ZBTB20: variants seen among roughly 807,000 people sequenced by gnomAD.
The protein encoded by ZBTB20 is zinc finger and BTB domain-containing protein 20.
In ZBTB20, 9 loss-of-function variants were observed where a neutral mutation model predicts 56.9. The observed-to-expected ratio is 0.16, with a 90% CI of 0.10 to 0.28. The LOEUF is 0.28. Among genes scored for constraint, ZBTB20 ranks in the 10% least tolerant of loss-of-function variants. The probability of loss-of-function intolerance (pLI) is 1.00; values close to 1 mark genes in which losing one functional copy is unlikely to be tolerated. For synonymous variants in ZBTB20, 417 were observed against 420.7 expected, an observed-to-expected ratio of 0.99 and a Z score of 0.11; for missense variants, 655 against 1,003.0, an observed-to-expected ratio of 0.65 and a Z score of 4.69.
intron 10 of ZBTB20, among the ~76,000 whole-genome samples, chr3:114,353,581 G>C (rs1377553584): frequency 6.6e-6 from 1 of 152,098 alleles, no homozygotes; most frequent in Non-Finnish European, 1.5e-5. Flanking sequence ...AAAGAATTAA[G>C]GTAAATCCCC....
chr3:115,103,233 T>C lies in ZBTB20; in HGVS notation c.-702-31819A>G, dbSNP rs183164465. On this transcript the variant is annotated intron_variant, in intron 1 of 11. Coordinates refer to ENST00000675478, the MANE Select transcript of ZBTB20 (RefSeq NM_001348800.3). The stretch of plus-strand genomic sequence containing the variant: ...GATATGTCATGGGGCAATTTGGTTC[T>C]GTAGAAAGATCCTAAAGTGGAAGTT... 3.0e-4 allele frequency among the ~76,000 whole-genome samples: 45 copies of C among 152,332 alleles called. 1 individual carries two copies. Among genetic ancestry groups the C allele is most frequent in the Admixed American group, 2.9e-3 (45 of 15,302 alleles).
chr3:115,102,046 G>T (rs1291122957), intron 1 of ZBTB20, among the ~76,000 whole-genome samples: 1 of 152,052 alleles, frequency 6.6e-6, no homozygotes, highest in Non-Finnish European at 1.5e-5. Context: ...CTATTTTCAG[G>T]GTGGCTAACC....
intron 2 of ZBTB20, among the ~76,000 whole-genome samples, chr3:114,978,010 C>CAAAAAAA (rs764420792): frequency 1.8e-5 from 1 of 56,554 alleles, no homozygotes; most frequent in Non-Finnish European, 4.3e-5. Context: ...GACCCAGTCT[C>CAAAAAAA]AAAAAAAAAA....
At chr3:115,119,783 C>G (rs1196398160) in intron 1 of ZBTB20, among the ~76,000 whole-genome samples, 2 of 152,036 alleles carry the variant, frequency 1.3e-5, no homozygotes, top group African/African-American at 4.8e-5. Context: ...CGTATCCAAC[C>G]CCACTGTTCT....
Position 114,843,630 on chromosome 3 carries a change from A to C in ZBTB20, c.-416-42456T>G, listed in dbSNP as rs1032901945. Among the ~76,000 whole-genome samples, 5 of 152,150 alleles carry C rather than the reference A, an allele frequency of 3.3e-5. 1 individual carries two copies. In the Middle Eastern group the frequency reaches 0.014, roughly 414 times the overall value. On this transcript the variant is annotated intron_variant, in intron 4 of 11. Transcript: ENST00000675478. ...GTGATCCTCCCACCTCAGCCTCCTAAAGCTCTGGGATTACAGGCATAAGCC... is the reference window on the plus strand; with the variant it reads ...GTGATCCTCCCACCTCAGCCTCCTACAGCTCTGGGATTACAGGCATAAGCC...
At chr3:114,810,065 C>T (rs926637443) in intron 4 of ZBTB20, among the ~76,000 whole-genome samples, 6 of 151,590 alleles carry the variant, frequency 4.0e-5, no homozygotes, top group African/African-American at 7.3e-5. Flanking sequence ...ACTATGCTAA[C>T]GCCTCTAATT....
intron 1 of ZBTB20, among the ~76,000 whole-genome samples, chr3:115,142,831 G>A (rs1392814214): frequency 6.6e-6 from 1 of 152,068 alleles, no homozygotes; most frequent in African/African-American, 2.4e-5. Flanking sequence ...CTTCCTGGAA[G>A]AGGCTGATTA....
rs558143177 is a variant in ZBTB20, at chr3:114,981,669, A to G, written c.-506-7253T>C. ...TAACAAAAACTCTAGGAGGTAGGTA[A>G]TATCATCATACCCACTTTATCAATG... On this transcript the variant is annotated intron_variant, in intron 2 of 11. Transcript: ENST00000675478. Among the ~76,000 whole-genome samples, 6 of 152,188 alleles carry G rather than the reference A, an allele frequency of 3.9e-5. No individual in the cohort carries two copies. In the East Asian group the frequency reaches 9.6e-4, roughly 24 times the overall value.
At chr3:114,445,859 A>G (rs559210349) in intron 7 of ZBTB20, among the ~76,000 whole-genome samples, 6 of 152,186 alleles carry the variant, frequency 3.9e-5, no homozygotes, top group Admixed American at 1.3e-4. Flanking sequence ...TCAGGAGTCA[A>G]GGTATTTTTA....
intron 2 of ZBTB20, among the ~76,000 whole-genome samples, chr3:115,028,644 AT>A (rs5851941): frequency 0.089 from 13,357 of 150,504 alleles, 1,717 homozygotes; most frequent in African/African-American, 0.28. Context: ...TATATTAAAA[AT>A]AATTTGTGAT....
chr3:114,707,900 G>C (rs1172228187), intron 5 of ZBTB20, among the ~76,000 whole-genome samples: 1 of 152,070 alleles, frequency 6.6e-6, no homozygotes, highest in South Asian at 2.1e-4. Flanking sequence ...TTAACCACAG[G>C]GCATTGTCCT....
chr3:115,031,377 T>C (rs915757979), intron 2 of ZBTB20, among the ~76,000 whole-genome samples: 6 of 151,624 alleles, frequency 4.0e-5, no homozygotes, highest in East Asian at 1.9e-4. Context: ...GAGGAACTTA[T>C]GATGTTTTTT....
At chr3:115,062,593 G>T (rs2082050372) in intron 2 of ZBTB20, among the ~76,000 whole-genome samples, 1 of 151,872 alleles carries the variant, frequency 6.6e-6, no homozygotes, top group East Asian at 1.9e-4. Flanking sequence ...GGTTTTTATT[G>T]TTGGAATGTT....
intron 6 of ZBTB20, among the ~76,000 whole-genome samples, chr3:114,613,787 G>A (rs1376469801): frequency 6.6e-6 from 1 of 152,036 alleles, no homozygotes; most frequent in Non-Finnish European, 1.5e-5. Context: ...GTGCATGTAG[G>A]TTTTTTTCCT....
chr3:114,533,013 A>G (rs1228977317), intron 6 of ZBTB20, among the ~76,000 whole-genome samples: 2 of 152,224 alleles, frequency 1.3e-5, no homozygotes, highest in Non-Finnish European at 2.9e-5. Flanking sequence ...CCAAAGGTAG[A>G]TAAATCCACA....
Position 114,531,954 on chromosome 3 carries a change from G to A in ZBTB20, c.-294-31563C>T, listed in dbSNP as rs1210115523. Reference sequence around the variant, plus strand: ...GTGCCATGAGGTTCGGTGTATTCCAGCCCAGATACTATGCTTTTCTCACCG... The same window carrying A: ...GTGCCATGAGGTTCGGTGTATTCCAACCCAGATACTATGCTTTTCTCACCG... On this transcript the variant is annotated intron_variant, in intron 6 of 11. Coordinates refer to ENST00000675478, the MANE Select transcript of ZBTB20 (RefSeq NM_001348800.3). Among the ~76,000 whole-genome samples the A allele has an allele frequency of 2.6e-5, 4 of 152,182 alleles. No individual in the cohort carries two copies. In the East Asian group the frequency reaches 5.8e-4, roughly 22 times the overall value.
chr3:114,758,689 T>A (rs2068201366), intron 5 of ZBTB20, among the ~76,000 whole-genome samples: 2 of 152,112 alleles, frequency 1.3e-5, no homozygotes, highest in African/African-American at 4.8e-5. Context: ...GACAAACAAC[T>A]TTGAGAAAAT....
chr3:114,700,622 C>T lies in ZBTB20; in HGVS notation c.-342-7047G>A, dbSNP rs140616541. Among the ~76,000 whole-genome samples the T allele has an allele frequency of 1.4e-3, 210 of 152,168 alleles. 1 individual carries two copies. The highest frequency in any genetic ancestry group is 4.7e-3 in the African/African-American group (195 of 41,518). ...CATTATTGATATTTGAGACTGATTA[C>T]GGCACAGCAGGAGGAGATTCAGAGA... On this transcript the variant is annotated intron_variant, in intron 5 of 11. Transcript: ENST00000675478.
At chr3:114,523,305 T>C (rs1429057829) in intron 6 of ZBTB20, among the ~76,000 whole-genome samples, 2 of 152,172 alleles carry the variant, frequency 1.3e-5, no homozygotes, top group Admixed American at 1.3e-4. Context: ...ACTAGACTGG[T>C]AGGTGCAAAA....
Sources: gnomAD v4.1 joint callset for allele counts (sites outside exome capture counted in the v4.1 genomes callset) on GRCh38, gnomAD v4.1.1 for gene constraint, MANE v1.5 for transcripts, NCBI Gene and HGNC (gene_info 2026-07-23, HGNC 2026-07-21) for gene names.